CYP7A1: variants seen among roughly 807,000 people sequenced by gnomAD.
CYP7A1 encodes the protein cytochrome P450 family 7 subfamily A member 1.
In CYP7A1, 28 loss-of-function variants were observed where a neutral mutation model predicts 43.8. The observed-to-expected ratio is 0.64, with a 90% confidence interval of 0.47 to 0.88. The LOEUF is 0.88. CYP7A1 is among the 40% of genes least tolerant of loss of function. CYP7A1 has a pLI of 0.00. For missense variants in CYP7A1, 637 were observed against 611.9 expected (o/e 1.04, Z -0.43); for synonymous variants, 227 against 222.5 (o/e 1.02, Z -0.18).
At chr8:58,492,667 G>A (rs1809370504) in intron 4 of CYP7A1, 139 bp from the exon 5 acceptor site, 4 of 703,240 alleles carry the variant, frequency 5.7e-6, no homozygotes, top group Non-Finnish European at 9.8e-6. Flanking sequence ...ACACAAAGAT[G>A]AACAGGGTAT....
chr8:58,499,340 A>G (rs1809495342), intron 1 of CYP7A1, among the ~76,000 whole-genome samples: 1 of 152,180 alleles, frequency 6.6e-6, no homozygotes, highest in South Asian at 2.1e-4. Context: ...GAATATCTAT[A>G]TGCCTCCCCA....
chr8:58,495,371 G>GCCACCTGGGACTACAGGCA (rs1809423533), intron 3 of CYP7A1, among the ~76,000 whole-genome samples: 3 of 151,660 alleles, frequency 2.0e-5, no homozygotes, highest in African/African-American at 7.2e-5. Context: ...GACTACAGGC[G>GCCACCTGGGACTACAGGCA]CCCGCCACCA....
At chr8:58,491,866 T>C in intron 5 of CYP7A1, 92 bp from the exon 6 acceptor site, 2 of 1,067,906 alleles carry the variant, frequency 1.9e-6, no homozygotes, top group East Asian at 4.8e-5. Context: ...AGTAATTTTC[T>C]TTTTAATTCT....
chr8:58,492,630 G>A (rs1809369713), intron 4 of CYP7A1, 102 bp from the exon 5 acceptor site: 1 of 932,184 alleles, frequency 1.1e-6, no homozygotes, highest in African/African-American at 1.6e-5. Context: ...TATAGAGTCT[G>A]AACTACAGAC....
chr8:58,496,298 A>G (rs1809441355), intron 3 of CYP7A1, among the ~76,000 whole-genome samples: 1 of 152,204 alleles, frequency 6.6e-6, no homozygotes, highest in African/African-American at 2.4e-5. Context: ...GGTTAAGAGC[A>G]AGGGCTCTGG....
intron 5 of CYP7A1, 97 bp from the exon 6 acceptor site, chr8:58,491,871 A>C: frequency 9.8e-7 from 1 of 1,023,132 alleles, no homozygotes; most frequent in Non-Finnish European, 1.5e-6. Flanking sequence ...TTTTCTTTTT[A>C]ATTCTACCCC....
Position 58,493,143 on chromosome 8 carries a change from T to C in CYP7A1, c.1040-615A>G, listed in dbSNP as rs924856452. ...TAAGAGATAATCATCTTGGTCATAA[T>C]TGGGAAACAAAATTCCATCATTTTA... On this transcript the variant is annotated intron_variant, in intron 4 of 5. Transcript: ENST00000301645. Among the ~76,000 whole-genome samples, 6 of 152,324 alleles carry C rather than the reference T, an allele frequency of 3.9e-5. No homozygotes were observed. In the East Asian group the frequency reaches 1.2e-3, roughly 29 times the overall value.
At chr8:58,499,373 G>A (rs1159925695) in intron 1 of CYP7A1, among the ~76,000 whole-genome samples, 1 of 152,172 alleles carries the variant, frequency 6.6e-6, no homozygotes. Flanking sequence ...GAGCCAATTA[G>A]AAGTTAAATA....
In CYP7A1 at chr8:58,498,196, A is replaced by G. The variant is rs7825751; in HGVS notation, c.321+33T>C. 8,440 of 1,612,102 alleles carry G rather than the reference A, an allele frequency of 5.2e-3. 430 individuals carry two copies. The African/African-American group carries it at 0.1, about 19-fold the overall frequency. The stretch of plus-strand genomic sequence containing the variant: ...CAAGCACATAAAAAGGTAGAAGACA[A>G]ACAGAATGGTATATAAATGTAAAAC... On this transcript the variant is annotated intron_variant, in intron 2 of 5. Coordinates refer to ENST00000301645, the MANE Select transcript of CYP7A1 (RefSeq NM_000780.4).
chr8:58,498,424 C>T lies in CYP7A1; in HGVS notation c.126G>A (p.Leu42=). Residue 42 remains leucine (L), a synonymous_variant, in exon 2 of 6, where the codon CTG becomes CTA. Coordinates refer to ENST00000301645, the MANE Select transcript of CYP7A1 (RefSeq NM_000780.4). ...PPLENGLIPY[L]GCALQFGANP... Reference sequence around the variant, plus strand: ...TGGCACCAAATTGCAGAGCACAGCCCAGGTATGGAATTAATCCATTCTCTA... The same window carrying T: ...TGGCACCAAATTGCAGAGCACAGCCTAGGTATGGAATTAATCCATTCTCTA... 6.2e-7 allele frequency: 1 copy of T among 1,614,116 alleles called. No homozygotes were observed. Among genetic ancestry groups the T allele is most frequent in the Non-Finnish European group, 8.5e-7 (1 of 1,179,980 alleles).
chr8:58,490,286 A>C lies in CYP7A1; in HGVS notation c.*1189T>G, dbSNP rs1187402366. On this transcript the variant is annotated 3_prime_UTR_variant, in exon 6 of 6. Transcript: ENST00000301645. ...GCAAAAAGGTAAATATAATTTAAAT[A>C]TAAATACTACACAGAAATATCAATT... 1 of 152,252 alleles carries C rather than the reference A, an allele frequency of 6.6e-6. No individual in the cohort carries two copies. The highest frequency in any genetic ancestry group is 1.5e-5 in the Non-Finnish European group (1 of 68,048). The allele number at this position is 152,252 out of a possible 1,614,324, so 9.4% of individuals were successfully genotyped here.
At position 58,494,627 on chromosome 8, in the gene CYP7A1, T is replaced by G. The variant is rs1382956556; in HGVS notation, c.918A>C (p.Glu306Asp). The stretch of plus-strand genomic sequence containing the variant: ...CTTCTTCAGTAGCTGCTTTCATTGC[T>G]TCTGGGTTCCTATTAAAAGGTAAGA... ...WSLFQMIRNP[E>D]AMKAATEEVK... The change falls in exon 4 of 6, where the codon GAA becomes GAC. Residue 306 changes from glutamate to aspartate, a missense_variant. By Grantham distance (45) the Glu-to-Asp change is conservative. Coordinates refer to ENST00000301645, the MANE Select transcript of CYP7A1 (RefSeq NM_000780.4). 3 of 1,613,870 alleles carry G rather than the reference T, an allele frequency of 1.9e-6. No homozygotes were observed. Among genetic ancestry groups the G allele is most frequent in the Admixed American group, 1.7e-5 (1 of 60,008 alleles).
Position 58,494,209 on chromosome 8 carries a change from T to C in CYP7A1, c.1039+297A>G, listed in dbSNP as rs114526748. Among the ~76,000 whole-genome samples the C allele has an allele frequency of 4.5e-3, 683 of 152,224 alleles. 5 individuals carry two copies. The highest frequency in any genetic ancestry group is 0.015 in the African/African-American group (635 of 41,530). On this transcript the variant is annotated intron_variant, in intron 4 of 5. Coordinates refer to ENST00000301645, the MANE Select transcript of CYP7A1 (RefSeq NM_000780.4). ...ACCATCAGATTAGTGGTAAGAGGAA[T>C]ATGAGAAACATGGTGTGGCAGTGCA...
intron 1 of CYP7A1, among the ~76,000 whole-genome samples, chr8:58,499,752 TTC>T (rs1453421061): frequency 6.6e-6 from 1 of 152,158 alleles, no homozygotes; most frequent in Non-Finnish European, 1.5e-5. Context: ...CTTATACAAT[TTC>T]TGTCAGTTAT....
chr8:58,497,753 T>C (rs865786066), intron 2 of CYP7A1, among the ~76,000 whole-genome samples: 1 of 152,106 alleles, frequency 6.6e-6, no homozygotes, highest in Non-Finnish European at 1.5e-5. Context: ...TTGCAGTAAG[T>C]AAGTAGTTAT....
Position 58,498,296 on chromosome 8 carries a change from T to C in CYP7A1, c.254A>G (p.Tyr85Cys), listed in dbSNP as rs545869846. 6.2e-7 allele frequency: 1 copy of C among 1,614,156 alleles called. No individual in the cohort carries two copies. Among genetic ancestry groups the C allele is most frequent in the East Asian group, 2.2e-5 (1 of 44,874 alleles). Residue 85 changes from tyrosine (Y) to cysteine (C), a missense_variant, in exon 2 of 6, where the codon TAC becomes TGC. Tyr to Cys is a radical substitution (Grantham distance 194). Transcript: ENST00000301645. ...TTTTCCGTGGCACAACACCTTATGG[T>C]ATGACAAGGGATTTGTGATGAAATG... Reference protein sequence around the residue: ...YVHFITNPLSYHKVLCHGKYF... With the variant: ...YVHFITNPLSCHKVLCHGKYF...
Position 58,496,665 on chromosome 8 carries a change from G to A in CYP7A1, c.847C>T (p.Leu283Phe), listed in dbSNP as rs767871705. 2 of 1,614,086 alleles carry A rather than the reference G, an allele frequency of 1.2e-6. No individual in the cohort carries two copies. The highest frequency in any genetic ancestry group is 2.7e-5 in the African/African-American group (2 of 74,938). ...ATGGTGTTTGCTTGCGATGCCCAGA[G>A]GACCACGAGGTGTGTCTTGGCCTTC... Reference protein sequence around the residue: ...LEKAKTHLVVLWASQANTIPA... With the variant: ...LEKAKTHLVVFWASQANTIPA... Residue 283 changes from leucine to phenylalanine, a missense_variant, in exon 3 of 6, where the codon CTC becomes TTC. Coordinates refer to ENST00000301645, the MANE Select transcript of CYP7A1 (RefSeq NM_000780.4).
intron 3 of CYP7A1, among the ~76,000 whole-genome samples, 186 bp downstream of exon 3, chr8:58,496,418 A>T (rs931156448): frequency 6.6e-6 from 1 of 152,134 alleles, no homozygotes; most frequent in Non-Finnish European, 1.5e-5. Context: ...TTTACCAGCC[A>T]TAGCTGCCTA....
chr8:58,499,799 G>A (rs1024827973), intron 1 of CYP7A1, among the ~76,000 whole-genome samples: 7 of 151,776 alleles, frequency 4.6e-5, no homozygotes, highest in African/African-American at 7.3e-5. Context: ...TATTACCATC[G>A]GTATATGCCA....
Sources: allele counts gnomAD v4.1 joint callset (sites outside exome capture counted in the v4.1 genomes callset), GRCh38; gene constraint gnomAD v4.1.1; transcripts MANE v1.5; gene names NCBI Gene and HGNC (gene_info 2026-07-23, HGNC 2026-07-21).